THADA: variants seen among roughly 807,000 people sequenced by gnomAD.
THADA encodes tRNA (32-2'-O)-methyltransferase regulator THADA.
In THADA, 213 loss-of-function variants were observed where a neutral mutation model predicts 219.8. That is an observed-to-expected ratio of 0.97 (90% CI 0.87 to 1.09). THADA has a LOEUF of 1.09. Ranked by LOEUF, THADA falls within the 50% of genes least tolerant of loss-of-function variation. The probability of loss-of-function intolerance (pLI) is 0.00; values close to 1 mark genes in which losing one functional copy is unlikely to be tolerated. For synonymous variants in THADA, 1,018 were observed against 828.9 expected, an observed-to-expected ratio of 1.23 and a Z score of -3.92; for missense variants, 2,956 against 2,311.3, an observed-to-expected ratio of 1.28 and a Z score of -5.72.
At chr2:43,386,897 CAAAA>C (rs548365391) in intron 29 of THADA, among the ~76,000 whole-genome samples, 5 of 97,298 alleles carry the variant, frequency 5.1e-5, no homozygotes, top group Admixed American at 1.2e-4. Context: ...GATTTCCTCT[CAAAA>C]AAAAAAAAAA....
chr2:43,279,201 C>T (rs889257083), intron 36 of THADA, among the ~76,000 whole-genome samples: 5 of 152,196 alleles, frequency 3.3e-5, no homozygotes, highest in Non-Finnish European at 2.9e-5. Flanking sequence ...ACGACGGCTG[C>T]GACCTCAGGA....
chr2:43,581,197 G>T (rs1358052548), intron 8 of THADA, among the ~76,000 whole-genome samples: 2 of 151,926 alleles, frequency 1.3e-5, no homozygotes, highest in Non-Finnish European at 2.9e-5. Context: ...ATTAAAAAGT[G>T]ATCACCCTTG....
In THADA at chr2:43,589,696, G is replaced by C. The variant is rs375903717; in HGVS notation, c.302+1128C>G. ...GAGACTCAGGGGAAAGGGTGGGAAG[G>C]GGGTGAGAAATAAAAGACTACAAAT... is the stretch of plus-strand genomic sequence containing the variant. On this transcript the variant is annotated intron_variant, in intron 4 of 37. Coordinates refer to ENST00000405975, the MANE Select transcript of THADA (RefSeq NM_022065.5). Among the ~76,000 whole-genome samples the C allele has an allele frequency of 2.6e-4, 39 of 152,266 alleles. No homozygotes were observed. The East Asian group carries it at 7.3e-3, about 29-fold the overall frequency.
chr2:43,582,405 G>A (rs1453305404), intron 7 of THADA, among the ~76,000 whole-genome samples: 1 of 151,330 alleles, frequency 6.6e-6, no homozygotes, highest in African/African-American at 2.4e-5. Flanking sequence ...GCTGAGGCAG[G>A]AGAATCGCTT....
intron 14 of THADA, among the ~76,000 whole-genome samples, chr2:43,567,762 C>T (rs956013084): frequency 8.5e-5 from 13 of 152,180 alleles, no homozygotes; most frequent in African/African-American, 3.1e-4. Context: ...TGGTTGGATC[C>T]CTAGTGCTGA....
intron 26 of THADA, among the ~76,000 whole-genome samples, chr2:43,470,394 T>G (rs542629881): frequency 1.6e-4 from 24 of 152,008 alleles, no homozygotes; most frequent in Non-Finnish European, 3.2e-4. Flanking sequence ...CTAATAATAT[T>G]AAAAACTAGG....
chr2:43,587,076 T>C (rs560524841), intron 4 of THADA, 74 bp from the exon 5 acceptor site: 512 of 1,444,144 alleles, frequency 3.5e-4, no homozygotes, highest in South Asian at 3.4e-4. Context: ...AAGAGAATCA[T>C]ACAAATGTGG....
At chr2:43,492,603 T>C (rs1687779231) in intron 25 of THADA, among the ~76,000 whole-genome samples, 1 of 152,178 alleles carries the variant, frequency 6.6e-6, no homozygotes. Context: ...TATTTTGTCT[T>C]GTGTACGTGG....
chr2:43,505,437 A>G (rs1326489443), intron 24 of THADA, among the ~76,000 whole-genome samples, 185 bp downstream of exon 24: 1 of 152,186 alleles, frequency 6.6e-6, no homozygotes, highest in Non-Finnish European at 1.5e-5. Context: ...CAAAGATTTA[A>G]AACAACTGCA....
At chr2:43,430,869 T>C (rs1679161881) in intron 26 of THADA, among the ~76,000 whole-genome samples, 1 of 152,174 alleles carries the variant, frequency 6.6e-6, no homozygotes, top group Non-Finnish European at 1.5e-5. Context: ...TTGCCAAATA[T>C]ACCTTGTGGG....
intron 36 of THADA, among the ~76,000 whole-genome samples, chr2:43,251,937 G>A (rs1369732022): frequency 6.6e-6 from 1 of 151,922 alleles, no homozygotes; most frequent in Non-Finnish European, 1.5e-5. Context: ...TCCTCCTCCC[G>A]GCAGAAGCTA....
At chr2:43,247,683 C>G (rs144739958) in intron 36 of THADA, among the ~76,000 whole-genome samples, 1 of 136,298 alleles carries the variant, frequency 7.3e-6, no homozygotes, top group South Asian at 2.4e-4. Flanking sequence ...GAGCTGAGAT[C>G]GCGCCACCGC....
intron 30 of THADA, among the ~76,000 whole-genome samples, chr2:43,337,702 CA>C (rs1306105486): frequency 2.6e-5 from 4 of 151,874 alleles, no homozygotes; most frequent in Non-Finnish European, 5.9e-5. Context: ...CATACACACA[CA>C]CACACACACA....
In THADA at chr2:43,515,028, TAATATATATAAA is replaced by T. The variant is rs1691207237; in HGVS notation, c.3375-6260_3375-6249del. On this transcript the variant is annotated intron_variant, in intron 22 of 37. Transcript: ENST00000405975. ...TTATATATATTATATATTTTATATA[TAATATATATAAA>T]TATATATATTTTATATATAATATAT... 4.9e-5 allele frequency among the ~76,000 whole-genome samples: 2 copies of T among 40,710 alleles called. 1 individual carries two copies. The highest frequency in any genetic ancestry group is 8.1e-5 in the Non-Finnish European group (2 of 24,774). The allele number at this position is 40,710 out of a possible 152,430, so 26.7% of individuals were successfully genotyped here.
At chr2:43,410,529 T>C (rs1437267179) in intron 28 of THADA, among the ~76,000 whole-genome samples, 1 of 152,210 alleles carries the variant, frequency 6.6e-6, no homozygotes, top group Non-Finnish European at 1.5e-5. Flanking sequence ...AGTATATCCA[T>C]ACAATCGAAT....
chr2:43,340,962 A>C (rs1158451851), intron 30 of THADA, among the ~76,000 whole-genome samples: 1 of 152,164 alleles, frequency 6.6e-6, no homozygotes, highest in African/African-American at 2.4e-5. Flanking sequence ...CATCACTTAT[A>C]CCCAGTTCTA....
chr2:43,346,669 T>C (rs1326408101), intron 29 of THADA, among the ~76,000 whole-genome samples: 1 of 152,218 alleles, frequency 6.6e-6, no homozygotes, highest in Non-Finnish European at 1.5e-5. Flanking sequence ...GCAAACATTG[T>C]CAACAAATAT....
intron 28 of THADA, among the ~76,000 whole-genome samples, chr2:43,402,717 G>A (rs537381828): frequency 6.6e-6 from 1 of 152,320 alleles, no homozygotes; most frequent in East Asian, 1.9e-4. Context: ...GCAACCTACA[G>A]TCTAGTGTGG....
At chr2:43,549,154 G>A (rs963031477) in intron 20 of THADA, 56 bp downstream of exon 20, 1 of 1,387,574 alleles carries the variant, frequency 7.2e-7, no homozygotes, top group Non-Finnish European at 9.6e-7. Flanking sequence ...AGGGCATTCT[G>A]TACATTTTAC....
Sources: gnomAD v4.1 joint callset for allele counts (sites outside exome capture counted in the v4.1 genomes callset) on GRCh38, gnomAD v4.1.1 for gene constraint, MANE v1.5 for transcripts, NCBI Gene and HGNC (gene_info 2026-07-23, HGNC 2026-07-21) for gene names.